Variants in SUPT3H observed in about 807,000 individuals in gnomAD.
SUPT3H encodes SPT3 homolog, SAGA and STAGA complex component, also known as transcription initiation protein SPT3 homolog.
SUPT3H carries 44 observed loss-of-function variants against 44.3 expected under a neutral mutation model. That is an observed-to-expected ratio of 0.99 (90% CI 0.78 to 1.28). The LOEUF (loss-of-function observed/expected upper bound fraction) is 1.28, where lower values mean the gene tolerates loss of function less well. Ranked by LOEUF, SUPT3H falls within the 50% of genes most tolerant of loss-of-function variation. The pLI is 0.00. For missense variants in SUPT3H, 380 were observed against 387.1 expected, an observed-to-expected ratio of 0.98 and a Z score of 0.15; for synonymous variants, 124 against 125.6, an observed-to-expected ratio of 0.99 and a Z score of 0.09.
rs74618993 is a variant in SUPT3H, at chr6:45,134,308, G to C, written c.102-28302C>G. ...CAGGGAGACAAAGCCCTCATGAACT[G>C]ATCACCTCTTATTAGGCTCAACCTC... On this transcript the variant is annotated intron_variant, in intron 2 of 10. Coordinates refer to ENST00000371459, the MANE Select transcript of SUPT3H (RefSeq NM_003599.4). 5.9e-5 allele frequency among the ~76,000 whole-genome samples: 9 copies of C among 152,304 alleles called. No homozygotes were observed. The East Asian group carries it at 1.5e-3, about 26-fold the overall frequency.
chr6:45,226,237 T>C (rs1766912250), intron 2 of SUPT3H, among the ~76,000 whole-genome samples: 1 of 152,212 alleles, frequency 6.6e-6, no homozygotes, highest in South Asian at 2.1e-4. Flanking sequence ...AGTATTCCTA[T>C]TTTAAGGCAG....
intron 2 of SUPT3H, among the ~76,000 whole-genome samples, chr6:45,120,432 A>AC (rs1562497448): frequency 6.7e-6 from 1 of 148,498 alleles, no homozygotes; most frequent in Non-Finnish European, 1.5e-5. Flanking sequence ...AAAAAAAAAA[A>AC]AAAAAAAAAG....
intron 3 of SUPT3H, among the ~76,000 whole-genome samples, chr6:45,056,492 C>T (rs975556112): frequency 2.6e-5 from 4 of 152,166 alleles, no homozygotes; most frequent in African/African-American, 9.6e-5. Context: ...GAATACTCCT[C>T]AGCCATAAAA....
intron 2 of SUPT3H, among the ~76,000 whole-genome samples, chr6:45,124,211 C>A (rs1393126201): frequency 6.6e-6 from 1 of 152,044 alleles, no homozygotes; most frequent in Non-Finnish European, 1.5e-5. Context: ...GATGATAACT[C>A]ATTTACTGTA....
Position 44,828,129 on chromosome 6 carries a change from T to A in SUPT3H, c.*1687A>T, listed in dbSNP as rs1428037798. On this transcript the variant is annotated 3_prime_UTR_variant, in exon 11 of 11. Transcript: ENST00000371459. ...GAAAAATTATCCCCTGAAAATTTTA[T>A]ACCATCTATAAGCCTGGCAGATCAA... Among the ~76,000 whole-genome samples the A allele has an allele frequency of 1.3e-5, 2 of 152,150 alleles. No individual in the cohort carries two copies. Among genetic ancestry groups the A allele is most frequent in the Non-Finnish European group, 2.9e-5 (2 of 67,984 alleles).
intron 2 of SUPT3H, among the ~76,000 whole-genome samples, chr6:45,143,008 A>G (rs1285021): frequency 0.87 from 132,407 of 151,726 alleles, 58,052 homozygotes; most frequent in African/African-American, 0.92. Flanking sequence ...CAAGAAAATA[A>G]CACAATTCTA....
chr6:45,103,485 C>T (rs1798870637), intron 3 of SUPT3H, among the ~76,000 whole-genome samples: 1 of 151,988 alleles, frequency 6.6e-6, no homozygotes, highest in Non-Finnish European at 1.5e-5. Context: ...GATACATTTT[C>T]AAACAGATAC....
At chr6:44,991,205 C>T (rs1780571374) in intron 6 of SUPT3H, among the ~76,000 whole-genome samples, 1 of 151,990 alleles carries the variant, frequency 6.6e-6, no homozygotes, top group Admixed American at 6.6e-5. Context: ...GAAAATTAAA[C>T]ACTCAAAAGT....
chr6:45,098,742 A>T, intron 3 of SUPT3H: 8 of 450,178 alleles, frequency 1.8e-5, no homozygotes, highest in South Asian at 1.4e-4. Flanking sequence ...CCTTTCTGAG[A>T]CAGATCTAAG....
intron 2 of SUPT3H, among the ~76,000 whole-genome samples, chr6:45,158,292 ATATATAT>A (rs1215627702): frequency 3.1e-5 from 1 of 32,340 alleles, no homozygotes; most frequent in African/African-American, 1.1e-4. Context: ...ATATATATAT[ATATATAT>A]TTTTTTTTTT....
rs150369426 is a variant in SUPT3H at position 45,141,277 on chromosome 6, T to C, written c.102-35271A>G. ...ATCACTTGAACCCGGGAGGCGAAGG[T>C]TGCAGTGAGCTGGGTTGTGCCACTG... On this transcript the variant is annotated intron_variant, in intron 2 of 10. Transcript: ENST00000371459. Among the ~76,000 whole-genome samples the C allele has an allele frequency of 3.9e-3, 536 of 135,846 alleles. 8 individuals carry two copies. Among genetic ancestry groups the C allele is most frequent in the African/African-American group, 0.014 (491 of 34,644 alleles). The allele number at this position is 135,846 out of a possible 152,430, so 89.1% of individuals were successfully genotyped here.
rs577203327 is a variant in SUPT3H, at chr6:45,098,109, A to G, written c.186+7813T>C. ...TCTGTGCCAGGAATGTCTTGCAGAAATCTATATATATTAAATAGCCAAAGA... is the reference window on the plus strand; with the variant it reads ...TCTGTGCCAGGAATGTCTTGCAGAAGTCTATATATATTAAATAGCCAAAGA... On this transcript the variant is annotated intron_variant, in intron 3 of 10. Coordinates refer to ENST00000371459, the MANE Select transcript of SUPT3H (RefSeq NM_003599.4). 19 of 153,260 alleles carry G rather than the reference A, an allele frequency of 1.2e-4. 1 individual carries two copies. The highest frequency in any genetic ancestry group is 1.2e-3 in the Admixed American group (18 of 15,276). 9.5% of individuals were successfully genotyped at this position (153,260 alleles called of 1,614,324 possible).
chr6:45,324,474 A>G (rs1786034729), intron 2 of SUPT3H, among the ~76,000 whole-genome samples: 1 of 151,968 alleles, frequency 6.6e-6, no homozygotes, highest in South Asian at 2.1e-4. Context: ...ATTAATGTCA[A>G]TATCCCCTAC....
intron 3 of SUPT3H, among the ~76,000 whole-genome samples, chr6:45,078,089 T>A (rs1338112705): frequency 6.6e-6 from 1 of 152,144 alleles, no homozygotes; most frequent in South Asian, 2.1e-4. Context: ...GCCAGACTGG[T>A]CTTGAACTCC....
intron 6 of SUPT3H, among the ~76,000 whole-genome samples, chr6:44,987,601 T>A (rs1309156807): frequency 6.6e-6 from 1 of 152,146 alleles, no homozygotes; most frequent in Non-Finnish European, 1.5e-5. Flanking sequence ...TCAAGTGGGT[T>A]CTAAAGAGAA....
chr6:44,982,769 C>T (rs116799383), intron 6 of SUPT3H, among the ~76,000 whole-genome samples: 2,061 of 152,186 alleles, frequency 0.014, 50 homozygotes, highest in African/African-American at 0.047. Context: ...CTATGGCATT[C>T]GTAAGAATCT....
chr6:45,353,598 G>A (rs1379415748), intron 2 of SUPT3H, among the ~76,000 whole-genome samples: 1 of 151,960 alleles, frequency 6.6e-6, no homozygotes, highest in Non-Finnish European at 1.5e-5. Flanking sequence ...TTCTAACTTA[G>A]AACCCTCCCT....
At chr6:45,241,077 CTG>C (rs1337770836) in intron 2 of SUPT3H, among the ~76,000 whole-genome samples, 3 of 152,158 alleles carry the variant, frequency 2.0e-5, no homozygotes, top group African/African-American at 7.2e-5. Context: ...TGCTTTTAAT[CTG>C]TGTTATTTGT....
At chr6:45,185,566 T>C (rs549513856) in intron 2 of SUPT3H, among the ~76,000 whole-genome samples, 1 of 152,310 alleles carries the variant, frequency 6.6e-6, no homozygotes, top group Non-Finnish European at 1.5e-5. Flanking sequence ...AAGTTTTACC[T>C]AGAAACTGTC....
Sources: gnomAD v4.1 joint callset for allele counts (sites outside exome capture counted in the v4.1 genomes callset) on GRCh38, gnomAD v4.1.1 for gene constraint, MANE v1.5 for transcripts, NCBI Gene and HGNC (gene_info 2026-07-23, HGNC 2026-07-21) for gene names.